Variants in DMD observed in about 807,000 individuals in gnomAD.
The protein encoded by DMD is dystrophin.
A neutral mutation model predicts 330.1 loss-of-function variants in DMD; 63 were observed. That is an observed-to-expected ratio of 0.19 (90% CI 0.16 to 0.24). The LOEUF is 0.24. Ranked by LOEUF, DMD falls within the 10% of genes least tolerant of loss-of-function variation. The probability of loss-of-function intolerance (pLI) is 1.00; values close to 1 mark genes in which losing one functional copy is unlikely to be tolerated. For synonymous variants in DMD, 1,223 were observed against 959.8 expected, an observed-to-expected ratio of 1.27 and a Z score of -5.07; for missense variants, 3,344 against 2,684.1, an observed-to-expected ratio of 1.25 and a Z score of -5.43.
intron 6 of DMD, among the ~76,000 whole-genome samples, chrX:32,815,305 C>CAA (rs113244283): frequency 2.9e-5 from 2 of 69,526 alleles, no homozygotes; most frequent in South Asian, 6.6e-4. Context: ...GTAGAGTGGT[C>CAA]AAAAAAAAAA....
intron 44 of DMD, among the ~76,000 whole-genome samples, chrX:32,151,741 T>A (rs2096804629): frequency 1.8e-5 from 2 of 111,734 alleles, no homozygotes; most frequent in Non-Finnish European, 3.8e-5. Flanking sequence ...TTTTGTTTTT[T>A]ATTGGCTATT....
At chrX:31,366,507 A>AAAAAAAAAAAAAAAAAT (rs1556574494) in intron 60 of DMD, among the ~76,000 whole-genome samples, 1 of 85,919 alleles carries the variant, frequency 1.2e-5, no homozygotes, top group African/African-American at 4.6e-5. Flanking sequence ...CATAAAAAAA[A>AAAAAAAAAAAAAAAAAT]AAATAAATAA....
intron 24 of DMD, 99 bp from the exon 25 acceptor site, chrX:32,463,693 T>G (rs2098391424): frequency 5.2e-6 from 4 of 762,568 alleles, no homozygotes; most frequent in South Asian, 3.9e-5. Flanking sequence ...CTGATGGCAT[T>G]GCATATGGAT....
chrX:33,185,081 TAC>T (rs2050190382), intron 1 of DMD, among the ~76,000 whole-genome samples: 1 of 110,441 alleles, frequency 9.1e-6, no homozygotes, highest in Non-Finnish European at 1.9e-5. Context: ...CTTTAGAAAA[TAC>T]AGTGTCTCTC....
rs1400355419 is a variant in DMD at position 32,454,643 on chromosome X, T to G, written c.3603+19A>C. The G allele has an allele frequency of 2.8e-6, 3 of 1,088,975 alleles. No individual in the cohort carries two copies. 89.7% of individuals were successfully genotyped at this position (1,088,975 alleles called of 1,213,427 possible). Reference sequence around the variant, plus strand: ...TTTATTTCCTTTGTTTTACTTAGTTTTTCTTTTTTTTTTTTTACCTTCATC... The same window carrying G: ...TTTATTTCCTTTGTTTTACTTAGTTGTTCTTTTTTTTTTTTTACCTTCATC... On this transcript the variant is annotated intron_variant, in intron 26 of 78. Coordinates refer to ENST00000357033, the MANE Select transcript of DMD (RefSeq NM_004006.3).
chrX:32,525,027 T>C (rs1365050103), intron 17 of DMD, among the ~76,000 whole-genome samples: 1 of 112,147 alleles, frequency 8.9e-6, no homozygotes, highest in Non-Finnish European at 1.9e-5. Flanking sequence ...GAGTTTGGAC[T>C]CTTCTCACCT....
intron 74 of DMD, among the ~76,000 whole-genome samples, chrX:31,152,184 CTT>C (rs1161340463): frequency 9.2e-5 from 9 of 98,334 alleles, no homozygotes; most frequent in East Asian, 3.1e-4. Context: ...CTTTAAGCAT[CTT>C]TTTTTTTTTT....
At chrX:33,117,459 A>G (rs951331276) in intron 1 of DMD, among the ~76,000 whole-genome samples, 3 of 111,954 alleles carry the variant, frequency 2.7e-5, no homozygotes, top group Admixed American at 9.6e-5. Flanking sequence ...GTATCAAATC[A>G]TCATATTGTA....
chrX:33,181,151 C>A (rs2049980973), intron 1 of DMD, among the ~76,000 whole-genome samples: 1 of 110,796 alleles, frequency 9.0e-6, no homozygotes, highest in Admixed American at 9.6e-5. Context: ...TAAAATTAAT[C>A]CAATTATTGA....
chrX:32,106,488 C>T (rs995319561), intron 44 of DMD, among the ~76,000 whole-genome samples: 5 of 111,703 alleles, frequency 4.5e-5, no homozygotes, highest in Non-Finnish European at 9.4e-5. Flanking sequence ...CAATATGAAA[C>T]ACTAGGATGA....
intron 44 of DMD, among the ~76,000 whole-genome samples, chrX:31,989,124 G>T (rs1242294063): frequency 8.9e-6 from 1 of 111,881 alleles, no homozygotes; most frequent in African/African-American, 3.2e-5. Context: ...ATTGGACTTA[G>T]GTCCTCAATT....
At chrX:32,459,585 C>T (rs747690161) in intron 25 of DMD, among the ~76,000 whole-genome samples, 60 of 111,230 alleles carry the variant, frequency 5.4e-4, no homozygotes, top group African/African-American at 1.4e-3. Context: ...AAGATGGAAC[C>T]GCTAGTCACT....
chrX:32,413,391 G>A (rs949084400), intron 29 of DMD, among the ~76,000 whole-genome samples: 3 of 111,362 alleles, frequency 2.7e-5, no homozygotes, highest in Non-Finnish European at 5.6e-5. Flanking sequence ...CCCTTTATTA[G>A]ATGTAATTCT....
intron 13 of DMD, among the ~76,000 whole-genome samples, chrX:32,580,531 C>T (rs1601858606): frequency 9.0e-6 from 1 of 111,570 alleles, no homozygotes; most frequent in African/African-American, 3.3e-5. Context: ...CTGCTAGGGT[C>T]AGATAGATCA....
chrX:32,601,777 A>G (rs2056237578), intron 12 of DMD, among the ~76,000 whole-genome samples: 1 of 111,124 alleles, frequency 9.0e-6, no homozygotes, highest in Non-Finnish European at 1.9e-5. Context: ...TGTAAAACTA[A>G]GATAATAAAA....
chrX:32,586,354 A>G (rs1022909749), intron 13 of DMD, among the ~76,000 whole-genome samples: 1 of 109,108 alleles, frequency 9.2e-6, no homozygotes, highest in Non-Finnish European at 1.9e-5. Flanking sequence ...ATATACATAT[A>G]TAAACCATTC....
chrX:31,842,961 G>A (rs2093345948), intron 48 of DMD, among the ~76,000 whole-genome samples: 2 of 111,831 alleles, frequency 1.8e-5, no homozygotes, highest in South Asian at 3.7e-4. Context: ...TTATAAGTGA[G>A]AACAAAGTGG....
intron 50 of DMD, 112 bp downstream of exon 50, chrX:31,819,863 A>G: frequency 1.6e-6 from 1 of 611,095 alleles, no homozygotes; most frequent in South Asian, 2.4e-5. Flanking sequence ...ACAAAGGTTT[A>G]TCTCTATCTT....
chrX:32,062,635 A>G (rs899207449), intron 44 of DMD, among the ~76,000 whole-genome samples: 31 of 111,221 alleles, frequency 2.8e-4, no homozygotes, highest in African/African-American at 1.0e-3. Context: ...TATATCGGGA[A>G]TACGTTTCTT....
Sources: allele counts gnomAD v4.1 joint callset (sites outside exome capture counted in the v4.1 genomes callset), GRCh38; gene constraint gnomAD v4.1.1; transcripts MANE v1.5; gene names NCBI Gene and HGNC (gene_info 2026-07-23, HGNC 2026-07-21).